DLGAP2: variants seen among roughly 807,000 people sequenced by gnomAD.
DLGAP2 encodes disks large-associated protein 2.
Under a neutral mutation model 100.3 loss-of-function variants are expected in DLGAP2, and 26 were observed. The observed-to-expected ratio is 0.26, with a 90% CI of 0.19 to 0.36. The LOEUF (loss-of-function observed/expected upper bound fraction) is 0.36. DLGAP2 is among the 10% of genes least tolerant of loss of function. The pLI, the probability that DLGAP2 is intolerant of heterozygous loss-of-function variation, is 1.00. For missense variants in DLGAP2, 1,858 were observed against 1,453.2 expected, an observed-to-expected ratio of 1.28 and a Z score of -4.53; for synonymous variants, 886 against 630.1, an observed-to-expected ratio of 1.41 and a Z score of -6.08.
At chr8:1,332,188 CGTTT>C (rs1441366063) in intron 3 of DLGAP2, among the ~76,000 whole-genome samples, 1 of 151,874 alleles carries the variant, frequency 6.6e-6, no homozygotes, top group African/African-American at 2.4e-5. Flanking sequence ...AGCGTATTTG[CGTTT>C]ATTTGCATTG....
At chr8:1,696,162 C>T (rs1490381271) in intron 13 of DLGAP2, among the ~76,000 whole-genome samples, 1 of 152,186 alleles carries the variant, frequency 6.6e-6, no homozygotes, top group African/African-American at 2.4e-5. Flanking sequence ...TTTTAAATCC[C>T]CACTGAATCA....
At chr8:1,447,861 A>G (rs1798024890) in intron 3 of DLGAP2, among the ~76,000 whole-genome samples, 1 of 152,180 alleles carries the variant, frequency 6.6e-6, no homozygotes, top group Non-Finnish European at 1.5e-5. Flanking sequence ...TAGATTTTCT[A>G]GTTTATATAC....
chr8:1,353,244 C>G (rs558625618), intron 3 of DLGAP2, among the ~76,000 whole-genome samples: 2 of 152,310 alleles, frequency 1.3e-5, no homozygotes, highest in East Asian at 3.9e-4. Flanking sequence ...TGTGTGTGCA[C>G]AGGAGGCTTT....
At chr8:1,263,878 T>C (rs775146452) in intron 3 of DLGAP2, among the ~76,000 whole-genome samples, 9 of 152,216 alleles carry the variant, frequency 5.9e-5, no homozygotes, top group Non-Finnish European at 5.9e-5. Flanking sequence ...TTCTGATTGC[T>C]ATTTGTGGTT....
intron 4 of DLGAP2, among the ~76,000 whole-genome samples, chr8:1,546,782 T>A (rs962580424): frequency 6.6e-6 from 1 of 152,032 alleles, no homozygotes; most frequent in Non-Finnish European, 1.5e-5. Flanking sequence ...CTCAGGCTGC[T>A]TAGGGTGGTG....
chr8:1,604,978 G>A (rs1315995067), intron 6 of DLGAP2, among the ~76,000 whole-genome samples: 2 of 152,194 alleles, frequency 1.3e-5, no homozygotes, highest in Non-Finnish European at 2.9e-5. Flanking sequence ...AGTACTTGTG[G>A]TGTAACAGGA....
At chr8:1,001,748 A>G (rs1719196202) in intron 2 of DLGAP2, among the ~76,000 whole-genome samples, 1 of 152,212 alleles carries the variant, frequency 6.6e-6, no homozygotes, top group South Asian at 2.1e-4. Flanking sequence ...ACGTACACAC[A>G]CATTTGAATG....
At chr8:1,426,326 A>G (rs1017435448) in intron 3 of DLGAP2, among the ~76,000 whole-genome samples, 1 of 152,234 alleles carries the variant, frequency 6.6e-6, no homozygotes, top group African/African-American at 2.4e-5. Flanking sequence ...TCCAGACTAG[A>G]TCTGCTCAAA....
At chr8:1,092,628 G>T (rs1365252091) in intron 2 of DLGAP2, among the ~76,000 whole-genome samples, 1 of 152,234 alleles carries the variant, frequency 6.6e-6, no homozygotes, top group Non-Finnish European at 1.5e-5. Flanking sequence ...CTTCAAGGCT[G>T]CAGACATTGA....
At chr8:1,017,532 G>GTA (rs1269169510) in intron 2 of DLGAP2, among the ~76,000 whole-genome samples, 6 of 112,810 alleles carry the variant, frequency 5.3e-5, no homozygotes, top group Admixed American at 9.2e-5. Flanking sequence ...TCCACTGTGT[G>GTA]TGACCAGGAC....
At chr8:1,485,938 G>A (rs1250526350) in intron 3 of DLGAP2, among the ~76,000 whole-genome samples, 1 of 152,164 alleles carries the variant, frequency 6.6e-6, no homozygotes, top group African/African-American at 2.4e-5. Flanking sequence ...GAGGCAGGAG[G>A]ATCGCTTGAA....
intron 2 of DLGAP2, among the ~76,000 whole-genome samples, chr8:1,117,603 G>A (rs1032844772): frequency 6.6e-6 from 1 of 152,220 alleles, no homozygotes; most frequent in Non-Finnish European, 1.5e-5. Flanking sequence ...AATCAGGACT[G>A]AGGGTGGGAT....
At chr8:1,196,270 T>C (rs1246771368) in intron 2 of DLGAP2, among the ~76,000 whole-genome samples, 3 of 152,226 alleles carry the variant, frequency 2.0e-5, no homozygotes, top group African/African-American at 7.2e-5. Flanking sequence ...TGCATCTGCA[T>C]AGAGTAAAGC....
chr8:1,577,369 G>C (rs1803026024), intron 6 of DLGAP2, among the ~76,000 whole-genome samples: 1 of 152,120 alleles, frequency 6.6e-6, no homozygotes, highest in Admixed American at 6.5e-5. Context: ...AGGAGTTCGA[G>C]ACCAGCCTGG....
At chr8:1,664,185 G>A (rs1002279157) in intron 8 of DLGAP2, among the ~76,000 whole-genome samples, 1 of 152,112 alleles carries the variant, frequency 6.6e-6, no homozygotes, top group African/African-American at 2.4e-5. Flanking sequence ...CAGCGTTGGT[G>A]CATCTACAGG....
chr8:1,007,157 G>A (rs924217289), intron 2 of DLGAP2, among the ~76,000 whole-genome samples: 2 of 149,658 alleles, frequency 1.3e-5, no homozygotes, highest in Non-Finnish European at 3.0e-5. Flanking sequence ...CGGGTATGCC[G>A]TGTATATGAA....
chr8:961,470 T>G (rs1179159908), intron 2 of DLGAP2, among the ~76,000 whole-genome samples: 2 of 152,200 alleles, frequency 1.3e-5, no homozygotes, highest in African/African-American at 4.8e-5. Context: ...CTTTTCTTTC[T>G]TTAAGGTGTG....
intron 6 of DLGAP2, among the ~76,000 whole-genome samples, chr8:1,596,542 C>G (rs1051145184): frequency 6.6e-6 from 1 of 152,144 alleles, no homozygotes; most frequent in African/African-American, 2.4e-5. Context: ...CTGTTGTTTC[C>G]TGGCTTTTTA....
chr8:1,225,993 G>T (rs1178782115), intron 2 of DLGAP2, among the ~76,000 whole-genome samples: 11 of 151,172 alleles, frequency 7.3e-5, no homozygotes, highest in Non-Finnish European at 1.3e-4. Flanking sequence ...TTACAAGGTG[G>T]TGATTTCATT....
Sources: gnomAD v4.1 joint callset for allele counts (sites outside exome capture counted in the v4.1 genomes callset) on GRCh38, gnomAD v4.1.1 for gene constraint, MANE v1.5 for transcripts, NCBI Gene and HGNC (gene_info 2026-07-23, HGNC 2026-07-21) for gene names.